The following BROX variants were observed in gnomAD, a reference collection of about 807,000 sequenced individuals.
BROX encodes BRO1 domain-containing protein BROX.
A neutral mutation model predicts 61.0 loss-of-function variants in BROX; 53 were observed. The ratio of observed to expected loss-of-function variants is 0.87; its 90% CI spans 0.70 to 1.09. BROX has a LOEUF of 1.09. Among genes scored for constraint, BROX ranks in the 50% least tolerant of loss-of-function variants. The probability of loss-of-function intolerance (pLI) is 0.00; values close to 1 mark genes in which losing one functional copy is unlikely to be tolerated. For synonymous variants in BROX, 152 were observed against 160.2 expected (o/e 0.95, Z 0.38); for missense variants, 489 against 472.0 (o/e 1.04, Z -0.33).
chr1:222,712,626 C>G lies in BROX; in HGVS notation c.-333C>G, dbSNP rs553115301. The G allele has an allele frequency of 2.5e-4, 335 of 1,332,692 alleles. 1 individual carries two copies. The highest frequency in any genetic ancestry group is 7.3e-4 in the Admixed American group (30 of 41,044). The allele number at this position is 1,332,692 out of a possible 1,614,324, so 82.6% of individuals were successfully genotyped here. A position where few individuals can be genotyped will look rare whatever the true frequency, so the allele number is the denominator to read the frequency against. ...CCCTCGGCTCCGGAGGTAGGGGCAA[C>G]TCTTCTCTTCCTGTCTGGGAAAAAG... is the stretch of plus-strand genomic sequence containing the variant. On this transcript the variant is annotated 5_prime_UTR_variant, in exon 1 of 13. Transcript: ENST00000340934.
rs548731047 is a variant in BROX, at chr1:222,725,523, A to G, written c.548A>G (p.Tyr183Cys). 1.5e-4 allele frequency: 239 copies of G among 1,612,646 alleles called. 1 individual carries two copies. The South Asian group carries it at 2.5e-3, about 17-fold the overall frequency. Residue 183 changes from tyrosine to cysteine, a missense_variant, in exon 7 of 13, where the codon TAC becomes TGC. By Grantham distance (194) the Tyr-to-Cys change is radical. Transcript: ENST00000340934. ...RDLESRLIEA[Y>C]VIQCQAEAQE... is the part of the protein sequence containing the mutation. Reference sequence around the variant, plus strand: ...TTAGAGTCACGACTCATAGAAGCATACGTTATTCAATGTCAGGCTGAAGCT... The same window carrying G: ...TTAGAGTCACGACTCATAGAAGCATGCGTTATTCAATGTCAGGCTGAAGCT...
At position 222,730,053 on chromosome 1, in the gene BROX, A is replaced by G. The variant is rs1657820057; in HGVS notation, c.865A>G (p.Lys289Glu). The G allele has an allele frequency of 3.1e-6, 5 of 1,610,842 alleles. No homozygotes were observed. Among genetic ancestry groups the G allele is most frequent in the Non-Finnish European group, 4.2e-6 (5 of 1,179,010 alleles). ...KLYAKAEALC[K>E]EYGETKGPGP... Reference sequence around the variant, plus strand: ...GTATGCAAAGGCAGAAGCACTGTGTAAAGAATATGGAGAAACCAAAGGACC... The same window carrying G: ...GTATGCAAAGGCAGAAGCACTGTGTGAAGAATATGGAGAAACCAAAGGACC... Residue 289 changes from lysine (K) to glutamate (E), a missense_variant, in exon 11 of 13, where the codon AAA becomes GAA. Coordinates refer to ENST00000340934, the MANE Select transcript of BROX (RefSeq NM_144695.4).
intron 1 of BROX, 27 bp from the exon 2 acceptor site, chr1:222,715,657 G>C (rs556275061): frequency 1.3e-5 from 13 of 983,836 alleles, no homozygotes; most frequent in South Asian, 4.7e-5. Flanking sequence ...TTTAATTTTT[G>C]TATATTTTTT....
intron 4 of BROX, 152 bp from the exon 5 acceptor site, chr1:222,722,267 T>C (rs1657156692): frequency 3.0e-6 from 2 of 672,946 alleles, no homozygotes; most frequent in Non-Finnish European, 5.2e-6. Flanking sequence ...CCTGTACATC[T>C]TATCTCCCCA....
Position 222,728,806 on chromosome 1 carries a change from A to C in BROX, c.734A>C (p.Lys245Thr). The change falls in exon 9 of 13, where the codon AAG becomes ACG. Residue 245 changes from lysine to threonine, a missense_variant. Physicochemically the swap from Lys to Thr is moderately conservative, Grantham distance 78. Transcript: ENST00000340934. Reference protein sequence around the residue: ...SAKWRKYLHLKMCFYTAYAYC... With the variant: ...SAKWRKYLHLTMCFYTAYAYC... ...AAATGGAGAAAATATCTTCACTTGA[A>C]GATGTGTTTCTACACAGCTTATGTA... 1 of 1,602,208 alleles carries C rather than the reference A, an allele frequency of 6.2e-7. No homozygotes were observed. Among genetic ancestry groups the C allele is most frequent in the Non-Finnish European group, 8.5e-7 (1 of 1,171,032 alleles).
At chr1:222,716,295 C>T (rs1276794395) in intron 2 of BROX, among the ~76,000 whole-genome samples, 2 of 152,116 alleles carry the variant, frequency 1.3e-5, no homozygotes, top group African/African-American at 4.8e-5. Context: ...GACGGGTTTT[C>T]ACCATGTTGG....
intron 1 of BROX, chr1:222,713,165 C>G (rs1308957536): frequency 1.0e-6 from 1 of 980,722 alleles, no homozygotes; most frequent in African/African-American, 1.8e-5. Context: ...TCCCCTTGCC[C>G]CGCATCTCCA....
chr1:222,725,399 A>C, intron 6 of BROX, 51 bp from the exon 7 acceptor site: 1 of 1,293,436 alleles, frequency 7.7e-7, no homozygotes, highest in Non-Finnish European at 1.1e-6. Context: ...CAACTGGATT[A>C]AAATAAAATT....
intron 1 of BROX, among the ~76,000 whole-genome samples, chr1:222,714,582 GT>G (rs1331977607): frequency 2.3e-5 from 3 of 130,304 alleles, no homozygotes; most frequent in South Asian, 2.5e-4. Flanking sequence ...TTTGTTTTTT[GT>G]TTTTTTTTTC....
chr1:222,725,182 A>T (rs1657408803), intron 6 of BROX, among the ~76,000 whole-genome samples: 2 of 152,196 alleles, frequency 1.3e-5, no homozygotes, highest in African/African-American at 2.4e-5. Flanking sequence ...TTTCAAGATG[A>T]TAGTGTGACT....
intron 4 of BROX, among the ~76,000 whole-genome samples, chr1:222,721,983 C>T (rs2125015734): frequency 6.6e-6 from 1 of 152,250 alleles, no homozygotes; most frequent in Non-Finnish European, 1.5e-5. Context: ...ATTAAACCTT[C>T]TTAATTATTC....
Position 222,727,199 on chromosome 1 carries a change from T to C in BROX, c.612T>C (p.His204=). 1 of 1,613,608 alleles carries C rather than the reference T, an allele frequency of 6.2e-7. No homozygotes were observed. The highest frequency in any genetic ancestry group is 8.5e-7 in the Non-Finnish European group (1 of 1,179,770). Residue 204 remains histidine (H), a synonymous_variant, in exon 8 of 13, where the codon CAT becomes CAC. Coordinates refer to ENST00000340934, the MANE Select transcript of BROX (RefSeq NM_144695.4). ...TTGCTCGAGCAATTGAACTAAAACA[T>C]GCTCCTGGACTAATTGCTGCACTGG... The part of the protein sequence containing the change: ...VTIARAIELK[H]APGLIAALAY...
At chr1:222,720,981 G>A (rs1212195845) in intron 4 of BROX, among the ~76,000 whole-genome samples, 1 of 152,086 alleles carries the variant, frequency 6.6e-6, no homozygotes, top group Admixed American at 6.5e-5. Context: ...AAATCGTGTT[G>A]TGAGTTTATC....
Position 222,725,565 on chromosome 1 carries a change from A to G in BROX, c.580+10A>G. On this transcript the variant is annotated intron_variant, in intron 7 of 12. Coordinates refer to ENST00000340934, the MANE Select transcript of BROX (RefSeq NM_144695.4). Reference sequence around the variant, plus strand: ...GCTGAAGCTCAAGAAGGTATCCTAAATATTGTAAGATTTTTTTAAATGAAA... The same window carrying G: ...GCTGAAGCTCAAGAAGGTATCCTAAGTATTGTAAGATTTTTTTAAATGAAA... The G allele has an allele frequency of 6.4e-7, 1 of 1,562,914 alleles. No homozygotes were observed. Among genetic ancestry groups the G allele is most frequent in the East Asian group, 2.2e-5 (1 of 44,488 alleles).
At chr1:222,713,509 G>A (rs1347127289) in intron 1 of BROX, 1 of 908,018 alleles carries the variant, frequency 1.1e-6, no homozygotes, top group Non-Finnish European at 1.3e-6. Context: ...TTACAGCTTC[G>A]ATCCGAATGT....
chr1:222,729,265 CAT>C (rs756634137), intron 9 of BROX, among the ~76,000 whole-genome samples: 1 of 152,154 alleles, frequency 6.6e-6, no homozygotes, highest in Non-Finnish European at 1.5e-5. Context: ...ATTAGAATAT[CAT>C]ATGAGAGATC....
In BROX at chr1:222,730,060, A is replaced by G. The variant is rs1280251090; in HGVS notation, c.872A>G (p.Tyr291Cys). ...YAKAEALCKE[Y>C]GETKGPGPTV... Reference sequence around the variant, plus strand: ...AAGGCAGAAGCACTGTGTAAAGAATATGGAGAAACCAAAGGACCTGGACCA... The same window carrying G: ...AAGGCAGAAGCACTGTGTAAAGAATGTGGAGAAACCAAAGGACCTGGACCA... Residue 291 changes from tyrosine (Y) to cysteine (C), a missense_variant, in exon 11 of 13, where the codon TAT becomes TGT. Tyr to Cys is a radical substitution (Grantham distance 194). Coordinates refer to ENST00000340934, the MANE Select transcript of BROX (RefSeq NM_144695.4). 3.1e-6 allele frequency: 5 copies of G among 1,612,444 alleles called. No individual in the cohort carries two copies. The African/African-American group carries it at 5.3e-5, about 17-fold the overall frequency.
At chr1:222,732,512 T>G (rs964474025) in intron 12 of BROX, 116 bp from the exon 13 acceptor site, 4 of 652,726 alleles carry the variant, frequency 6.1e-6, no homozygotes, top group Non-Finnish European at 1.0e-5. Context: ...GCTTTGTCAG[T>G]ATCCATGTTA....
chr1:222,713,530 G>C, intron 1 of BROX: 3 of 753,716 alleles, frequency 4.0e-6, no homozygotes, highest in Non-Finnish European at 4.9e-6. Flanking sequence ...TGTATTGGTG[G>C]CTCTAAAGGC....
Sources: allele counts gnomAD v4.1 joint callset (sites outside exome capture counted in the v4.1 genomes callset), GRCh38; gene constraint gnomAD v4.1.1; transcripts MANE v1.5; gene names NCBI Gene and HGNC (gene_info 2026-07-23, HGNC 2026-07-21).